The following SUGCT variants were observed in gnomAD, a reference collection of about 807,000 sequenced individuals.
The protein encoded by SUGCT is succinyl-CoA:glutarate CoA-transferase.
In SUGCT, 41 loss-of-function variants were observed where a neutral mutation model predicts 55.0. That is an observed-to-expected ratio of 0.74 (90% CI 0.58 to 0.97). SUGCT has a LOEUF of 0.97. SUGCT is among the 50% of genes least tolerant of loss of function. The probability of loss-of-function intolerance (pLI) is 0.00; values close to 1 mark genes in which losing one functional copy is unlikely to be tolerated. For missense variants in SUGCT, 568 were observed against 547.8 expected (o/e 1.04, Z -0.37); for synonymous variants, 187 against 200.4 (o/e 0.93, Z 0.56).
intron 1 of SUGCT, among the ~76,000 whole-genome samples, chr7:40,149,423 C>T (rs1277360920): frequency 1.3e-5 from 2 of 152,278 alleles, no homozygotes; most frequent in Middle Eastern, 3.4e-3. Flanking sequence ...CAGCCCTTTC[C>T]CAAAGCATAC....
chr7:40,826,142 C>T (rs920172169), intron 13 of SUGCT, among the ~76,000 whole-genome samples: 3 of 152,092 alleles, frequency 2.0e-5, no homozygotes, highest in African/African-American at 7.2e-5. Context: ...TAAAGCATAC[C>T]ATCAAGGATG....
At chr7:40,138,097 G>A (rs1787790634) in intron 1 of SUGCT, among the ~76,000 whole-genome samples, 1 of 152,148 alleles carries the variant, frequency 6.6e-6, no homozygotes, top group Admixed American at 6.5e-5. Flanking sequence ...ACTGGCACAA[G>A]ACACATTGTA....
the SUGCT span, among the ~76,000 whole-genome samples, chr7:40,932,727 T>C: frequency 6.6e-6 from 1 of 151,862 alleles, no homozygotes; most frequent in South Asian, 2.1e-4. Context: ...GTCTGCTTTA[T>C]CAGAGACTAG....
chr7:40,627,116 A>T (rs1210627379), intron 12 of SUGCT, among the ~76,000 whole-genome samples: 1 of 152,232 alleles, frequency 6.6e-6, no homozygotes, highest in Non-Finnish European at 1.5e-5. Context: ...AAAGAAGAGG[A>T]TGTGGAGTCA....
chr7:41,009,547 C>T, the SUGCT span, among the ~76,000 whole-genome samples: 2 of 151,758 alleles, frequency 1.3e-5, no homozygotes, highest in African/African-American at 4.8e-5. Flanking sequence ...TCCTTCCTTC[C>T]ATCCACCATC....
At chr7:40,889,188 G>C in the SUGCT span, among the ~76,000 whole-genome samples, 15 of 152,178 alleles carry the variant, frequency 9.9e-5, no homozygotes, top group Non-Finnish European at 2.9e-5. Context: ...GTAAAAGCGT[G>C]GACCCTGGTG....
the SUGCT span, among the ~76,000 whole-genome samples, chr7:40,913,883 C>T: frequency 1.3e-5 from 2 of 152,212 alleles, no homozygotes; most frequent in Non-Finnish European, 2.9e-5. Flanking sequence ...CACTAACATT[C>T]CATTCACTAT....
chr7:40,150,801 T>C (rs952735105), intron 1 of SUGCT, among the ~76,000 whole-genome samples: 1 of 151,908 alleles, frequency 6.6e-6, no homozygotes, highest in South Asian at 2.1e-4. Context: ...TGGATTGCAA[T>C]TTCCCTGTCT....
chr7:40,749,524 A>G, intron 13 of SUGCT, 27 bp downstream of exon 13: 2 of 1,578,524 alleles, frequency 1.3e-6, no homozygotes, highest in Non-Finnish European at 1.7e-6. Flanking sequence ...TATTTTCTCT[A>G]GCACCTTTCT....
At chr7:40,816,322 G>T (rs1312257598) in intron 13 of SUGCT, among the ~76,000 whole-genome samples, 1 of 152,176 alleles carries the variant, frequency 6.6e-6, no homozygotes, top group East Asian at 1.9e-4. Context: ...TTGGTCCTAG[G>T]CTAGCCTGGG....
At chr7:40,504,132 A>G (rs1014880974) in intron 12 of SUGCT, among the ~76,000 whole-genome samples, 1 of 152,228 alleles carries the variant, frequency 6.6e-6, no homozygotes, top group Non-Finnish European at 1.5e-5. Context: ...TTATAAAGGT[A>G]CTTATAACAT....
In SUGCT at chr7:40,511,034, C is replaced by T. The variant is rs528750458; in HGVS notation, c.1089+14648C>T. 7.9e-5 allele frequency among the ~76,000 whole-genome samples: 12 copies of T among 152,102 alleles called. No individual in the cohort carries two copies. The East Asian group carries it at 2.1e-3, about 27-fold the overall frequency. On this transcript the variant is annotated intron_variant, in intron 12 of 13. Transcript: ENST00000335693. Reference sequence around the variant, plus strand: ...CTGCAAGGATTTCATTCTAGAACTACAGAATATTTTAGATAGAGTGCTGTT... The same window carrying T: ...CTGCAAGGATTTCATTCTAGAACTATAGAATATTTTAGATAGAGTGCTGTT...
chr7:40,526,808 A>C (rs1286800787), intron 12 of SUGCT, among the ~76,000 whole-genome samples: 1 of 152,168 alleles, frequency 6.6e-6, no homozygotes, highest in Non-Finnish European at 1.5e-5. Flanking sequence ...GAGAGTCCTA[A>C]GTATACCACT....
intron 8 of SUGCT, among the ~76,000 whole-genome samples, chr7:40,305,387 C>T (rs947210040): frequency 3.9e-5 from 6 of 152,120 alleles, no homozygotes; most frequent in Non-Finnish European, 2.9e-5. Context: ...TACTGATTGC[C>T]TACAGTGTGT....
intron 6 of SUGCT, among the ~76,000 whole-genome samples, chr7:40,231,192 T>C (rs116365536): frequency 0.012 from 1,818 of 152,288 alleles, 40 homozygotes; most frequent in African/African-American, 0.041. Context: ...CAGACATCAC[T>C]GGAGGGAGCA....
At chr7:40,172,181 A>G (rs1423570011) in intron 1 of SUGCT, among the ~76,000 whole-genome samples, 1 of 152,226 alleles carries the variant, frequency 6.6e-6, no homozygotes, top group Non-Finnish European at 1.5e-5. Flanking sequence ...GTACTGGGTC[A>G]TCAGTTCTAA....
intron 9 of SUGCT, among the ~76,000 whole-genome samples, chr7:40,322,570 C>G (rs775525961): frequency 7.9e-5 from 12 of 152,108 alleles, no homozygotes; most frequent in Non-Finnish European, 1.3e-4. Flanking sequence ...GTGCTCCTGG[C>G]AAAACCACAA....
At chr7:40,883,537 A>G in the SUGCT span, among the ~76,000 whole-genome samples, 587 of 152,346 alleles carry the variant, frequency 3.9e-3, 2 homozygotes, top group South Asian at 6.8e-3. Context: ...AGTTTTACCT[A>G]TAGGCATAAT....
chr7:40,197,593 G>C (rs1786362093), intron 6 of SUGCT, among the ~76,000 whole-genome samples: 1 of 152,154 alleles, frequency 6.6e-6, no homozygotes, highest in South Asian at 2.1e-4. Flanking sequence ...CCCCTCATAG[G>C]GAAAGGTGGA....
Sources: allele counts gnomAD v4.1 joint callset (sites outside exome capture counted in the v4.1 genomes callset), GRCh38; gene constraint gnomAD v4.1.1; transcripts MANE v1.5; gene names NCBI Gene and HGNC (gene_info 2026-07-23, HGNC 2026-07-21).